HDAC3: variants seen among roughly 807,000 people sequenced by gnomAD.
The protein encoded by HDAC3 is histone deacetylase 3, also known as SMAP45.
HDAC3 carries 21 observed loss-of-function variants against 62.3 expected under a neutral mutation model. The ratio of observed to expected loss-of-function variants is 0.34; its 90% CI spans 0.24 to 0.49. The LOEUF (loss-of-function observed/expected upper bound fraction) is 0.49, where lower values mean the gene tolerates loss of function less well. HDAC3 is among the 20% of genes least tolerant of loss of function. The probability of loss-of-function intolerance (pLI) is 0.99; values close to 1 mark genes in which losing one functional copy is unlikely to be tolerated. For synonymous variants in HDAC3, 198 were observed against 206.5 expected (o/e 0.96, Z 0.35); for missense variants, 270 against 556.9 (o/e 0.48, Z 5.19).
chr5:141,626,790 A>G lies in HDAC3; in HGVS notation c.831-507T>C, dbSNP rs1265243065. ...TATATGTGTGTGTGTGTGTGTATAT[A>G]TATATATATACACACACACACACAC... is the stretch of plus-strand genomic sequence containing the variant. On this transcript the variant is annotated intron_variant, in intron 10 of 14. Transcript: ENST00000305264. This position sits in a 1 kb window ranked among gnomAD's most constrained non-coding sequence, Gnocchi z 4.6. Among the ~76,000 whole-genome samples the G allele has an allele frequency of 1.1e-4, 15 of 133,448 alleles. No homozygotes were observed. The highest frequency in any genetic ancestry group is 2.3e-4 in the South Asian group (1 of 4,290). 87.5% of individuals were successfully genotyped at this position (133,448 alleles called of 152,430 possible).
chr5:141,629,371 A>C lies in HDAC3; in HGVS notation c.477-65T>G. 3 of 1,603,916 alleles carry C rather than the reference A, an allele frequency of 1.9e-6. No homozygotes were observed. Among genetic ancestry groups the C allele is most frequent in the African/African-American group, 1.3e-5 (1 of 74,692 alleles). The stretch of plus-strand genomic sequence containing the variant: ...ACCCCCCAACCCACTCCTCTCAAAC[A>C]CCGGGTCTCGAATTGTGAAGAGTCT... On this transcript the variant is annotated intron_variant, in intron 6 of 14. Coordinates refer to ENST00000305264, the MANE Select transcript of HDAC3 (RefSeq NM_003883.4). The surrounding 1 kb of genome is among the most constrained non-coding windows in gnomAD (Gnocchi z 5.3).
Position 141,636,749 on chromosome 5 carries a change from G to A in HDAC3, c.42C>T (p.Gly14=), listed in dbSNP as rs543271796. 8.1e-6 allele frequency: 13 copies of A among 1,613,920 alleles called. No individual in the cohort carries two copies. The highest frequency in any genetic ancestry group is 9.3e-6 in the Non-Finnish European group (11 of 1,179,910). ...TVAYFYDPDV[G]NFHYGAGHPM... ...CTGTTTCCTCACCGTAGTGGAAGTT[G>A]CCCACGTCGGGGTCGTAGAAATAGG... Residue 14 remains glycine, a synonymous_variant, in exon 1 of 15, where the codon GGC becomes GGT. Transcript: ENST00000305264.
Position 141,626,334 on chromosome 5 carries a change from G to A in HDAC3, c.831-51C>T. On this transcript the variant is annotated intron_variant, in intron 10 of 14. Transcript: ENST00000305264. This position sits in a 1 kb window ranked among gnomAD's most constrained non-coding sequence, Gnocchi z 4.6. ...GTGGAGGAGGTTATCAAAAGACAAG[G>A]TAAATACCTTTAGGTATTGCCTGAA... 1 of 1,387,890 alleles carries A rather than the reference G, an allele frequency of 7.2e-7. No individual in the cohort carries two copies. The highest frequency in any genetic ancestry group is 1.0e-6 in the Non-Finnish European group (1 of 977,716). The allele number at this position is 1,387,890 out of a possible 1,614,324, so 86.0% of individuals were successfully genotyped here. A position where few individuals can be genotyped will look rare whatever the true frequency, so the allele number is the denominator to read the frequency against.
intron 14 of HDAC3, among the ~76,000 whole-genome samples, chr5:141,624,193 A>G (rs182805626): frequency 6.6e-6 from 1 of 151,656 alleles, no homozygotes; most frequent in Admixed American, 6.6e-5. Context: ...AATGCTGGCA[A>G]GACTATAGGG....
chr5:141,629,044 T>C lies in HDAC3; in HGVS notation c.610+129A>G, dbSNP rs1299236726. Reference sequence around the variant, plus strand: ...GGAATGGGGAAGGAGGTGATTATGATAACTGGAGTGGTAAGGAAAGGCTTC... The same window carrying C: ...GGAATGGGGAAGGAGGTGATTATGACAACTGGAGTGGTAAGGAAAGGCTTC... On this transcript the variant is annotated intron_variant, in intron 7 of 14. Transcript: ENST00000305264. This position sits in a 1 kb window ranked among gnomAD's most constrained non-coding sequence, Gnocchi z 5.3. 2.3e-6 allele frequency: 2 copies of C among 862,954 alleles called. No individual in the cohort carries two copies. The highest frequency in any genetic ancestry group is 3.6e-6 in the Non-Finnish European group (2 of 551,378). The allele number at this position is 862,954 out of a possible 1,614,324, so 53.5% of individuals were successfully genotyped here. A position where few individuals can be genotyped will look rare whatever the true frequency, so the allele number is the denominator to read the frequency against.
chr5:141,636,837 G>A lies in HDAC3; in HGVS notation c.-47C>T, dbSNP rs374123704. 2.8e-6 allele frequency: 4 copies of A among 1,424,418 alleles called. No homozygotes were observed. Among genetic ancestry groups the A allele is most frequent in the Non-Finnish European group, 3.7e-6 (4 of 1,089,118 alleles). The allele number at this position is 1,424,418 out of a possible 1,614,324, so 88.2% of individuals were successfully genotyped here. A position where few individuals can be genotyped will look rare whatever the true frequency, so the allele number is the denominator to read the frequency against. ...CGCACCTCCGCCGCCCGCCGCCCGC[G>A]GCCGCCGCCAGCCCCTCCCCGGCCG... On this transcript the variant is annotated 5_prime_UTR_variant, in exon 1 of 15. Transcript: ENST00000305264.
Position 141,629,549 on chromosome 5 carries a change from G to C in HDAC3, c.476+135C>G. ...GTAGGGAATCTGCAGCAGTGGAAGA[G>C]GCAGCCTGAATAAAGCATCAAGAAC... is the stretch of plus-strand genomic sequence containing the variant. On this transcript the variant is annotated intron_variant, in intron 6 of 14. Coordinates refer to ENST00000305264, the MANE Select transcript of HDAC3 (RefSeq NM_003883.4). The surrounding 1 kb of genome is among the most constrained non-coding windows in gnomAD (Gnocchi z 5.3). 1 of 972,018 alleles carries C rather than the reference G, an allele frequency of 1.0e-6. No homozygotes were observed. Among genetic ancestry groups the C allele is most frequent in the Non-Finnish European group, 1.6e-6 (1 of 631,266 alleles). 60.2% of individuals were successfully genotyped at this position (972,018 alleles called of 1,614,324 possible). A position where few individuals can be genotyped will look rare whatever the true frequency, so the allele number is the denominator to read the frequency against.
At position 141,626,426 on chromosome 5, in the gene HDAC3, C is replaced by A; in HGVS notation, c.831-143G>T. 2 of 677,768 alleles carry A rather than the reference C, an allele frequency of 3.0e-6. No individual in the cohort carries two copies. The highest frequency in any genetic ancestry group is 2.7e-5 in the East Asian group (1 of 36,786). 42.0% of individuals were successfully genotyped at this position (677,768 alleles called of 1,614,324 possible). On this transcript the variant is annotated intron_variant, in intron 10 of 14. Coordinates refer to ENST00000305264, the MANE Select transcript of HDAC3 (RefSeq NM_003883.4). The surrounding 1 kb of genome is among the most constrained non-coding windows in gnomAD (Gnocchi z 4.6). ...GATAGTGAAATTCATTATGTTATAC[C>A]CTTAAGATTTGGGTATACTTTATAT... is the stretch of plus-strand genomic sequence containing the variant.
At chr5:141,621,718 C>CA (rs2099903729) in intron 14 of HDAC3, among the ~76,000 whole-genome samples, 181 bp from the exon 15 acceptor site, 1 of 152,222 alleles carries the variant, frequency 6.6e-6, no homozygotes, top group African/African-American at 2.4e-5. Flanking sequence ...TCTATACAGA[C>CA]ACTGTCATAA....
At position 141,636,615 on chromosome 5, in the gene HDAC3, A is replaced by C; in HGVS notation, c.71T>G (p.Met24Arg). The change falls in exon 2 of 15, where the codon ATG becomes AGG. Residue 24 changes from methionine (M) to arginine (R), a missense_variant. Physicochemically the swap from Met to Arg is moderately conservative, Grantham distance 91. Transcript: ENST00000305264. ...GGTCAATGCCAGGCGATGGGGCTTC[A>C]TAGGGTGTCCAGCTCCTGGGGGTGG... The part of the protein sequence containing the change: ...GNFHYGAGHP[M>R]KPHRLALTHS... 2 of 1,614,022 alleles carry C rather than the reference A, an allele frequency of 1.2e-6. No individual in the cohort carries two copies. Among genetic ancestry groups the C allele is most frequent in the Non-Finnish European group, 1.7e-6 (2 of 1,179,968 alleles).
At position 141,629,977 on chromosome 5, in the gene HDAC3, G is replaced by C. The variant is rs1191073070; in HGVS notation, c.364-61C>G. On this transcript the variant is annotated intron_variant, in intron 4 of 14. Coordinates refer to ENST00000305264, the MANE Select transcript of HDAC3 (RefSeq NM_003883.4). The surrounding 1 kb of genome is among the most constrained non-coding windows in gnomAD (Gnocchi z 5.3). ...CCCACCCCTCAAGCTGGGAGCCCAG[G>C]ATCAGGGTTAAATCCCGAGTCCAGG... 84 of 1,612,446 alleles carry C rather than the reference G, an allele frequency of 5.2e-5. 1 individual carries two copies. Among genetic ancestry groups the C allele is most frequent in the Non-Finnish European group, 2.5e-6 (3 of 1,178,562 alleles).
chr5:141,636,016 T>C lies in HDAC3; in HGVS notation c.138+532A>G, dbSNP rs560526464. On this transcript the variant is annotated intron_variant, in intron 2 of 14. Transcript: ENST00000305264. ...TGGATAGCGATTAAGCAGAACCATG[T>C]AGAGGTATTCCAGGCTGAAAAAGGA... 11 of 156,832 alleles carry C rather than the reference T, an allele frequency of 7.0e-5. No homozygotes were observed. The South Asian group carries it at 1.8e-3, about 26-fold the overall frequency. 9.7% of individuals were successfully genotyped at this position (156,832 alleles called of 1,614,324 possible). A position where few individuals can be genotyped will look rare whatever the true frequency, so the allele number is the denominator to read the frequency against.
In HDAC3 at chr5:141,629,132, G is replaced by A. The variant is rs781024154; in HGVS notation, c.610+41C>T. ...GAGAAGGAGGCACTCATAGTAAAGA[G>A]CTGAAGGGTGCAAAGGGGAAAGTAA... On this transcript the variant is annotated intron_variant, in intron 7 of 14. Transcript: ENST00000305264. The surrounding 1 kb of genome is among the most constrained non-coding windows in gnomAD (Gnocchi z 5.3). 6 of 1,607,966 alleles carry A rather than the reference G, an allele frequency of 3.7e-6. No individual in the cohort carries two copies. Among genetic ancestry groups the A allele is most frequent in the Non-Finnish European group, 5.1e-6 (6 of 1,176,010 alleles).
rs543556027 is a variant in HDAC3 at position 141,624,807 on chromosome 5, C to T, written c.1217+401G>A. ...CAGCTATATGATGTAAAGCAGCATA[C>T]GTAGAATGACCCTATTTGTATTTAC... On this transcript the variant is annotated intron_variant, in intron 14 of 14. Coordinates refer to ENST00000305264, the MANE Select transcript of HDAC3 (RefSeq NM_003883.4). 4.9e-5 allele frequency: 8 copies of T among 162,066 alleles called. No homozygotes were observed. The South Asian group carries it at 9.0e-4, about 18-fold the overall frequency. 10.0% of individuals were successfully genotyped at this position (162,066 alleles called of 1,614,324 possible).
Position 141,629,631 on chromosome 5 carries a change from C to A in HDAC3, c.476+53G>T. On this transcript the variant is annotated intron_variant, in intron 6 of 14. Coordinates refer to ENST00000305264, the MANE Select transcript of HDAC3 (RefSeq NM_003883.4). The surrounding 1 kb of genome is among the most constrained non-coding windows in gnomAD (Gnocchi z 5.3). Reference sequence around the variant, plus strand: ...CAAGGTCAGGGTTGAGACTGAGAGACCTCCTCAGCCAAGAATCCCGTAACT... The same window carrying A: ...CAAGGTCAGGGTTGAGACTGAGAGAACTCCTCAGCCAAGAATCCCGTAACT... The A allele has an allele frequency of 6.4e-7, 1 of 1,556,196 alleles. No homozygotes were observed. The highest frequency in any genetic ancestry group is 1.1e-5 in the South Asian group (1 of 89,856).
Position 141,625,494 on chromosome 5 carries a change from A to C in HDAC3, c.1060-129T>G. ...TGGTACCTCTAGTTCAGGTCCCCCA[A>C]CTGATAGCTCTCCCTCCCCACCAAC... is the stretch of plus-strand genomic sequence containing the variant. On this transcript the variant is annotated intron_variant, in intron 13 of 14. Coordinates refer to ENST00000305264, the MANE Select transcript of HDAC3 (RefSeq NM_003883.4). This position sits in a 1 kb window ranked among gnomAD's most constrained non-coding sequence, Gnocchi z 4.0. The C allele has an allele frequency of 8.5e-7, 1 of 1,170,242 alleles. No individual in the cohort carries two copies. The highest frequency in any genetic ancestry group is 1.3e-6 in the Non-Finnish European group (1 of 795,076). The allele number at this position is 1,170,242 out of a possible 1,614,324, so 72.5% of individuals were successfully genotyped here.
At chr5:141,635,774 TTTTA>T (rs1309545200) in intron 2 of HDAC3, 1 of 152,198 alleles carries the variant, frequency 6.6e-6, no homozygotes, top group African/African-American at 2.4e-5. Context: ...TGGCTACTTT[TTTTA>T]TTTTTATTTT....
chr5:141,621,441 C>G lies in HDAC3; in HGVS notation c.*27G>C. ...CCAACCAAGAGGTGAAAAGAAATTC[C>G]TTGGGACACAGCATCCCAAGCCACT... is the stretch of plus-strand genomic sequence containing the variant. On this transcript the variant is annotated 3_prime_UTR_variant, in exon 15 of 15. Coordinates refer to ENST00000305264, the MANE Select transcript of HDAC3 (RefSeq NM_003883.4). 6.2e-7 allele frequency: 1 copy of G among 1,608,136 alleles called. No individual in the cohort carries two copies. The highest frequency in any genetic ancestry group is 1.1e-5 in the South Asian group (1 of 90,946).
rs945101590 is a variant in HDAC3, at chr5:141,625,934, T to C, written c.979+79A>G. The C allele has an allele frequency of 6.4e-6, 9 of 1,408,776 alleles. No individual in the cohort carries two copies. Among genetic ancestry groups the C allele is most frequent in the Non-Finnish European group, 9.1e-6 (9 of 992,824 alleles). 87.3% of individuals were successfully genotyped at this position (1,408,776 alleles called of 1,614,324 possible). A position where few individuals can be genotyped will look rare whatever the true frequency, so the allele number is the denominator to read the frequency against. On this transcript the variant is annotated intron_variant, in intron 12 of 14. Transcript: ENST00000305264. This position sits in a 1 kb window ranked among gnomAD's most constrained non-coding sequence, Gnocchi z 4.0. Reference sequence around the variant, plus strand: ...AGCTCTGAGAGTGTAAAATTTCCCATGTGCCTTCAAACCAGGTCATTCTGG... The same window carrying C: ...AGCTCTGAGAGTGTAAAATTTCCCACGTGCCTTCAAACCAGGTCATTCTGG...
Sources: gnomAD v4.1 joint callset for allele counts (sites outside exome capture counted in the v4.1 genomes callset) on GRCh38, gnomAD v4.1.1 for gene constraint, Gnocchi (gnomAD v3.1) non-coding constraint, MANE v1.5 for transcripts, NCBI Gene and HGNC (gene_info 2026-07-23, HGNC 2026-07-21) for gene names.